PRKAR1B: variants seen among roughly 807,000 people sequenced by gnomAD.
PRKAR1B encodes protein kinase cAMP-dependent type I regulatory subunit beta, also known as cAMP-dependent protein kinase type I-beta regulatory subunit.
A neutral mutation model predicts 46.5 loss-of-function variants in PRKAR1B; 22 were observed. The observed-to-expected ratio is 0.47, with a 90% CI of 0.34 to 0.68. The LOEUF (loss-of-function observed/expected upper bound fraction) is 0.68, where lower values mean the gene tolerates loss of function less well. Among genes scored for constraint, PRKAR1B ranks in the 30% least tolerant of loss-of-function variants. The pLI, the probability that PRKAR1B is intolerant of heterozygous loss-of-function variation, is 0.01. For missense variants in PRKAR1B, 445 were observed against 535.6 expected (o/e 0.83, Z 1.67); for synonymous variants, 259 against 217.7 (o/e 1.19, Z -1.67).
At chr7:656,778 C>A (rs1785221263) in intron 4 of PRKAR1B, among the ~76,000 whole-genome samples, 1 of 151,322 alleles carries the variant, frequency 6.6e-6, no homozygotes, top group African/African-American at 2.4e-5. Flanking sequence ...AATGTCTGAA[C>A]AAAGGAATGG....
At chr7:672,767 C>G (rs2128502801) in intron 4 of PRKAR1B, among the ~76,000 whole-genome samples, 1 of 152,018 alleles carries the variant, frequency 6.6e-6, no homozygotes, top group East Asian at 2.0e-4. Flanking sequence ...ACTTGGAAGG[C>G]TGAGGCAGGG....
Position 666,394 on chromosome 7 carries a change from A to G in PRKAR1B, c.440+10835T>C, listed in dbSNP as rs1482774088. Among the ~76,000 whole-genome samples, 2 of 152,158 alleles carry G rather than the reference A, an allele frequency of 1.3e-5. No individual in the cohort carries two copies. ...CTGAGGCTGCTGAGGTCCCTGGCCGAGGCGTAACTGCCCCGGGCACCCCAG... is the reference window on the plus strand; with the variant it reads ...CTGAGGCTGCTGAGGTCCCTGGCCGGGGCGTAACTGCCCCGGGCACCCCAG... On this transcript the variant is annotated intron_variant, in intron 4 of 10. Transcript: ENST00000537384. This position sits in a 1 kb window ranked among gnomAD's most constrained non-coding sequence, Gnocchi z 4.9.
chr7:694,667 G>A (rs545977011), intron 2 of PRKAR1B, among the ~76,000 whole-genome samples: 23 of 152,124 alleles, frequency 1.5e-4, no homozygotes, highest in African/African-American at 4.3e-4. Context: ...CTCACATCAC[G>A]TGTTCCCAAG....
chr7:696,200 C>T (rs556941237), intron 2 of PRKAR1B, among the ~76,000 whole-genome samples: 27 of 150,828 alleles, frequency 1.8e-4, no homozygotes, highest in Non-Finnish European at 3.5e-4. Flanking sequence ...TAGTCTCAAG[C>T]GATCCTCCTG....
intron 4 of PRKAR1B, among the ~76,000 whole-genome samples, chr7:658,068 G>A (rs1385299492): frequency 6.6e-6 from 1 of 152,122 alleles, no homozygotes; most frequent in Non-Finnish European, 1.5e-5. Flanking sequence ...CCAGCATATG[G>A]ACGGCGAATG....
chr7:684,427 T>C (rs753776202), intron 2 of PRKAR1B, among the ~76,000 whole-genome samples: 9 of 152,206 alleles, frequency 5.9e-5, no homozygotes, highest in South Asian at 2.1e-4. Context: ...TAAAAATATA[T>C]GCATATATAC....
Position 708,790 on chromosome 7 carries a change from A to AT in PRKAR1B, c.177+2538dup, listed in dbSNP as rs367689443. On this transcript the variant is annotated intron_variant, in intron 2 of 10. Transcript: ENST00000537384. Reference sequence around the variant, plus strand: ...GCATGAGTCACTGTGCCCGGCCCCAATTTTTTTTTTTTTTTTTTCTGAGAC... The same window carrying AT: ...GCATGAGTCACTGTGCCCGGCCCCAATTTTTTTTTTTTTTTTTTTCTGAGAC... Among the ~76,000 whole-genome samples, 1,082 of 131,766 alleles carry AT rather than the reference A, an allele frequency of 8.2e-3. 3 individuals carry two copies. Among genetic ancestry groups the AT allele is most frequent in the Middle Eastern group, 0.042 (10 of 238 alleles). 86.4% of individuals were successfully genotyped at this position (131,766 alleles called of 152,430 possible).
chr7:723,479 C>T (rs757139459), intron 1 of PRKAR1B, among the ~76,000 whole-genome samples: 7 of 152,194 alleles, frequency 4.6e-5, no homozygotes, highest in Non-Finnish European at 7.3e-5. Flanking sequence ...GTCTCCAGCC[C>T]GTCTGTCAAC....
intron 6 of PRKAR1B, among the ~76,000 whole-genome samples, chr7:605,769 A>G (rs1414395557): frequency 6.6e-6 from 1 of 152,154 alleles, no homozygotes; most frequent in African/African-American, 2.4e-5. Context: ...TTGATCGTGA[A>G]GTCGTCGGTC....
intron 4 of PRKAR1B, 93 bp downstream of exon 4, chr7:677,136 G>T: frequency 8.3e-7 from 1 of 1,200,974 alleles, no homozygotes; most frequent in Non-Finnish European, 1.2e-6. Flanking sequence ...AGGGAGGGAG[G>T]CAGTGATGCC....
chr7:659,714 GT>G (rs1253094887), intron 4 of PRKAR1B, among the ~76,000 whole-genome samples: 1 of 152,096 alleles, frequency 6.6e-6, no homozygotes, highest in Non-Finnish European at 1.5e-5. Context: ...GAGGGCTTTT[GT>G]TTTTGTTTTT....
chr7:673,699 T>A (rs1786419114), intron 4 of PRKAR1B, among the ~76,000 whole-genome samples: 1 of 151,388 alleles, frequency 6.6e-6, no homozygotes. Flanking sequence ...CTCCTCCTGG[T>A]GACCAGGTTC....
chr7:645,403 C>A (rs1382991829), intron 4 of PRKAR1B, among the ~76,000 whole-genome samples: 1 of 152,198 alleles, frequency 6.6e-6, no homozygotes, highest in Non-Finnish European at 1.5e-5. Context: ...GTAATCCCAG[C>A]ACTTTGGGAG....
Position 550,108 on chromosome 7 carries a change from G to A in PRKAR1B, c.*322C>T. On this transcript the variant is annotated 3_prime_UTR_variant, in exon 11 of 11. Coordinates refer to ENST00000537384, the MANE Select transcript of PRKAR1B (RefSeq NM_001164760.2). ...GGTTCTGGGGAGGACCGATCCTCAA[G>A]CATCTCCAGGAGACTGGCAGGGGTG... is the stretch of plus-strand genomic sequence containing the variant. 1 of 351,168 alleles carries A rather than the reference G, an allele frequency of 2.8e-6. No homozygotes were observed. Among genetic ancestry groups the A allele is most frequent in the Non-Finnish European group, 5.3e-6 (1 of 187,800 alleles). 21.8% of individuals were successfully genotyped at this position (351,168 alleles called of 1,614,324 possible). A position where few individuals can be genotyped will look rare whatever the true frequency, so the allele number is the denominator to read the frequency against.
intron 6 of PRKAR1B, among the ~76,000 whole-genome samples, chr7:604,022 T>C (rs113724535): frequency 0.11 from 17,430 of 152,172 alleles, 1,401 homozygotes; most frequent in African/African-American, 0.22. Flanking sequence ...TGGCTCTGCC[T>C]TCAGCACTGC....
intron 4 of PRKAR1B, among the ~76,000 whole-genome samples, chr7:662,745 T>C (rs1400981257): frequency 6.6e-6 from 1 of 151,742 alleles, no homozygotes; most frequent in Non-Finnish European, 1.5e-5. Flanking sequence ...ATGCCTGAGC[T>C]CCCCTCCAGT....
chr7:666,469 G>A lies in PRKAR1B; in HGVS notation c.440+10760C>T, dbSNP rs1166933472. On this transcript the variant is annotated intron_variant, in intron 4 of 10. Coordinates refer to ENST00000537384, the MANE Select transcript of PRKAR1B (RefSeq NM_001164760.2). This position sits in a 1 kb window ranked among gnomAD's most constrained non-coding sequence, Gnocchi z 4.9. The stretch of plus-strand genomic sequence containing the variant: ...CCAATAGCTGACACAAGGTGAGAAG[G>A]CTGCACCTACCACCACCCTGGGGCC... Among the ~76,000 whole-genome samples, 1 of 152,176 alleles carries A rather than the reference G, an allele frequency of 6.6e-6. No homozygotes were observed. The highest frequency in any genetic ancestry group is 1.5e-5 in the Non-Finnish European group (1 of 68,020).
chr7:677,158 C>A, intron 4 of PRKAR1B, 71 bp downstream of exon 4: 4 of 1,455,940 alleles, frequency 2.7e-6, no homozygotes, highest in East Asian at 2.3e-5. Flanking sequence ...AGGCAAGTGG[C>A]GGGACCTGCC....
intron 4 of PRKAR1B, among the ~76,000 whole-genome samples, chr7:613,733 G>GA (rs1265514553): frequency 6.6e-6 from 1 of 152,314 alleles, no homozygotes; most frequent in Non-Finnish European, 1.5e-5. Context: ...GGCCCACCTG[G>GA]AAAACACCAT....
Sources: allele counts gnomAD v4.1 joint callset (sites outside exome capture counted in the v4.1 genomes callset), GRCh38; gene constraint gnomAD v4.1.1; non-coding constraint Gnocchi (gnomAD v3.1); transcripts MANE v1.5; gene names NCBI Gene and HGNC (gene_info 2026-07-23, HGNC 2026-07-21).